COMMD10: variants seen among roughly 807,000 people sequenced by gnomAD.
COMMD10 encodes COMM domain-containing protein 10.
In COMMD10, 33 loss-of-function variants were observed where a neutral mutation model predicts 28.9. That is an observed-to-expected ratio of 1.14 (90% CI 0.87 to 1.53). COMMD10 has a LOEUF of 1.53. COMMD10 is among the 40% of genes most tolerant of loss of function. COMMD10 has a pLI of 0.00. For missense variants in COMMD10, 310 were observed against 233.4 expected, an observed-to-expected ratio of 1.33 and a Z score of -2.14; for synonymous variants, 110 against 81.7, an observed-to-expected ratio of 1.35 and a Z score of -1.87.
chr5:116,121,716 A>G (rs561876956), intron 4 of COMMD10, among the ~76,000 whole-genome samples: 1 of 152,258 alleles, frequency 6.6e-6, no homozygotes, highest in East Asian at 1.9e-4. Context: ...TTTGATTTGC[A>G]TTCTCTGATG....
intron 6 of COMMD10, among the ~76,000 whole-genome samples, chr5:116,292,026 C>A (rs1170221694): frequency 6.6e-6 from 1 of 151,808 alleles, no homozygotes; most frequent in Non-Finnish European, 1.5e-5. Flanking sequence ...AAAATATTAT[C>A]AAGTAGGCAG....
intron 4 of COMMD10, among the ~76,000 whole-genome samples, chr5:116,115,580 C>T (rs1055137244): frequency 1.3e-5 from 2 of 152,104 alleles, no homozygotes; most frequent in Admixed American, 6.5e-5. Context: ...ACAGGGTTTT[C>T]TGTTTGATTT....
chr5:116,170,118 C>T (rs922972991), intron 5 of COMMD10, among the ~76,000 whole-genome samples: 2 of 152,150 alleles, frequency 1.3e-5, no homozygotes, highest in Non-Finnish European at 2.9e-5. Context: ...TCTCCTTAAG[C>T]TGATAAGCAA....
intron 5 of COMMD10, among the ~76,000 whole-genome samples, chr5:116,224,200 A>T (rs1396012258): frequency 6.6e-6 from 1 of 152,172 alleles, no homozygotes; most frequent in African/African-American, 2.4e-5. Flanking sequence ...ATAGTTCATA[A>T]ATCTTGCTAC....
In COMMD10 at chr5:116,237,536, G is replaced by A. The variant is rs79985832; in HGVS notation, c.511-53981G>A. ...CGTTACAGAAAAAAAATTGCCAAGC[G>A]CAATGGCACATGCTATATAGTCCAG... On this transcript the variant is annotated intron_variant, in intron 5 of 6. Coordinates refer to ENST00000274458, the MANE Select transcript of COMMD10 (RefSeq NM_016144.4). 3.9e-3 allele frequency among the ~76,000 whole-genome samples: 600 copies of A among 152,042 alleles called. 11 individuals are homozygous for A. Among genetic ancestry groups the A allele is most frequent in the Middle Eastern group, 6.8e-3 (2 of 294 alleles).
At chr5:116,265,466 T>C (rs1279590808) in intron 5 of COMMD10, among the ~76,000 whole-genome samples, 5 of 151,820 alleles carry the variant, frequency 3.3e-5, no homozygotes, top group Non-Finnish European at 5.9e-5. Context: ...CTCTGTGTAC[T>C]TAAATTTATC....
chr5:116,170,899 G>A (rs369861698), intron 5 of COMMD10, among the ~76,000 whole-genome samples: 1 of 152,234 alleles, frequency 6.6e-6, no homozygotes, highest in African/African-American at 2.4e-5. Flanking sequence ...AAAAATCTTG[G>A]CAATGCCATT....
At chr5:116,159,997 C>T (rs1451457052) in intron 5 of COMMD10, among the ~76,000 whole-genome samples, 1 of 151,986 alleles carries the variant, frequency 6.6e-6, no homozygotes, top group African/African-American at 2.4e-5. Flanking sequence ...AGTTATGGAC[C>T]AGGAATTGGA....
At chr5:116,268,249 A>T (rs1750651111) in intron 5 of COMMD10, among the ~76,000 whole-genome samples, 1 of 151,900 alleles carries the variant, frequency 6.6e-6, no homozygotes. Context: ...AAACAAATTT[A>T]CAAGAAAAAA....
rs375154906 is a variant in COMMD10, at chr5:116,091,199, T to G, written c.243+10T>G. The G allele has an allele frequency of 8.2e-5, 116 of 1,422,718 alleles. No homozygotes were observed. The East Asian group carries it at 1.8e-3, about 23-fold the overall frequency. The allele number at this position is 1,422,718 out of a possible 1,614,324, so 88.1% of individuals were successfully genotyped here. ...ATTTATTTTAGAACAGGTATTTTTA[T>G]TGCATCAAATTTTCTAGCCATGATT... On this transcript the variant is annotated intron_variant, in intron 3 of 6. Transcript: ENST00000274458.
chr5:116,127,820 A>G (rs777936220), intron 4 of COMMD10, among the ~76,000 whole-genome samples: 4 of 152,150 alleles, frequency 2.6e-5, no homozygotes, highest in Non-Finnish European at 5.9e-5. Context: ...AGATATACCT[A>G]GTGTAAATGA....
rs534754075 is a variant in COMMD10 at position 116,120,793 on chromosome 5, T to G, written c.400-13275T>G. Reference sequence around the variant, plus strand: ...AGAGTAGTATTCTACCATTTGGATATACCTCAGTTTGCTTATCTGTTCACC... The same window carrying G: ...AGAGTAGTATTCTACCATTTGGATAGACCTCAGTTTGCTTATCTGTTCACC... On this transcript the variant is annotated intron_variant, in intron 4 of 6. Transcript: ENST00000274458. Among the ~76,000 whole-genome samples, 3 of 152,048 alleles carry G rather than the reference T, an allele frequency of 2.0e-5. No homozygotes were observed. The South Asian group carries it at 6.2e-4, about 32-fold the overall frequency.
chr5:116,105,426 T>TG (rs1750805903), intron 4 of COMMD10, among the ~76,000 whole-genome samples: 1 of 152,204 alleles, frequency 6.6e-6, no homozygotes, highest in Admixed American at 6.5e-5. Context: ...TTTCTTTTTT[T>TG]GTTGTGTCTC....
intron 5 of COMMD10, among the ~76,000 whole-genome samples, chr5:116,212,496 C>CTGTGTG (rs11268771): frequency 5.9e-4 from 38 of 63,868 alleles, no homozygotes; most frequent in Admixed American, 1.1e-3. Flanking sequence ...TACTGAAATG[C>CTGTGTG]TGTGTGTGTG....
chr5:116,187,783 A>C (rs1192547290), intron 5 of COMMD10, among the ~76,000 whole-genome samples: 1 of 152,182 alleles, frequency 6.6e-6, no homozygotes, highest in Non-Finnish European at 1.5e-5. Context: ...AAATTGCTGA[A>C]TTCCAAGTAT....
At chr5:116,184,220 C>CT (rs1554098541) in intron 5 of COMMD10, among the ~76,000 whole-genome samples, 648 of 60,396 alleles carry the variant, frequency 0.011, 6 homozygotes, top group African/African-American at 0.018. Flanking sequence ...TTCTGTCTCT[C>CT]TTTTTTTTTT....
intron 4 of COMMD10, among the ~76,000 whole-genome samples, chr5:116,120,749 CTT>C (rs34397720): frequency 1.3e-3 from 197 of 146,644 alleles, no homozygotes; most frequent in Middle Eastern, 6.9e-3. Flanking sequence ...TGTATTAGTA[CTT>C]TTTTTTTTTT....
In COMMD10 at chr5:116,189,125, C is replaced by G. The variant is rs1748256922; in HGVS notation, c.510+54947C>G. ...GGAAGCCAAAGTGGGGCAGATAGTT[C>G]CTCTCATAACTCCTGTGACAGCTAG... On this transcript the variant is annotated intron_variant, in intron 5 of 6. Transcript: ENST00000274458. Among the ~76,000 whole-genome samples, 3 of 152,110 alleles carry G rather than the reference C, an allele frequency of 2.0e-5. No homozygotes were observed. In the South Asian group the frequency reaches 6.2e-4, roughly 32 times the overall value.
At chr5:116,267,279 T>C (rs1368927285) in intron 5 of COMMD10, among the ~76,000 whole-genome samples, 2 of 151,792 alleles carry the variant, frequency 1.3e-5, no homozygotes, top group East Asian at 1.9e-4. Flanking sequence ...TGTGCAAAAA[T>C]CACAAGCATT....
Sources: gnomAD v4.1 joint callset for allele counts (sites outside exome capture counted in the v4.1 genomes callset) on GRCh38, gnomAD v4.1.1 for gene constraint, MANE v1.5 for transcripts, NCBI Gene and HGNC (gene_info 2026-07-23, HGNC 2026-07-21) for gene names.